The following RALGAPA1 variants were observed in gnomAD, a reference collection of about 807,000 sequenced individuals.
The protein encoded by RALGAPA1 is Ral GTPase activating protein catalytic subunit alpha 1.
RALGAPA1 carries 52 observed loss-of-function variants against 269.6 expected under a neutral mutation model. That is an observed-to-expected ratio of 0.19 (90% CI 0.15 to 0.24). The LOEUF is 0.24. RALGAPA1 is among the 10% of genes least tolerant of loss of function. The pLI, the probability that RALGAPA1 is intolerant of heterozygous loss-of-function variation, is 1.00. For synonymous variants in RALGAPA1, 817 were observed against 1,008.3 expected (o/e 0.81, Z 3.60); for missense variants, 1,917 against 3,013.9 (o/e 0.64, Z 8.52).
chr14:35,649,674 A>G (rs569036111), intron 31 of RALGAPA1, among the ~76,000 whole-genome samples: 1 of 152,344 alleles, frequency 6.6e-6, no homozygotes, highest in Admixed American at 6.5e-5. Flanking sequence ...TAACTTTAAA[A>G]GAATTTTTCC....
chr14:35,742,121 T>C (rs1457701038), intron 11 of RALGAPA1, among the ~76,000 whole-genome samples: 1 of 152,230 alleles, frequency 6.6e-6, no homozygotes. Flanking sequence ...CTAATTTTTA[T>C]CTAGACAATG....
At chr14:35,645,717 G>A (rs996681210) in intron 31 of RALGAPA1, among the ~76,000 whole-genome samples, 21 of 142,364 alleles carry the variant, frequency 1.5e-4, no homozygotes, top group African/African-American at 2.2e-4. Flanking sequence ...GCGACAGAGC[G>A]AGACTCCATC....
chr14:35,708,280 G>A (rs1243446106), intron 16 of RALGAPA1, among the ~76,000 whole-genome samples: 2 of 152,058 alleles, frequency 1.3e-5, no homozygotes, highest in Admixed American at 6.6e-5. Context: ...AAAACCTTCT[G>A]CACAGCAAAG....
In RALGAPA1 at chr14:35,729,969, G is replaced by A. The variant is rs186196427; in HGVS notation, c.1588-1459C>T. 2.5e-3 allele frequency among the ~76,000 whole-genome samples: 385 copies of A among 152,186 alleles called. 2 individuals carry two copies. Among genetic ancestry groups the A allele is most frequent in the African/African-American group, 6.5e-3 (271 of 41,512 alleles). Reference sequence around the variant, plus strand: ...AATTTTACCTCCAGAACAACTGCAAGAACAAACACCAGGAATCCCAAAAGG... The same window carrying A: ...AATTTTACCTCCAGAACAACTGCAAAAACAAACACCAGGAATCCCAAAAGG... On this transcript the variant is annotated intron_variant, in intron 12 of 41. Transcript: ENST00000680220.
chr14:35,573,525 C>T (rs1472506837), intron 37 of RALGAPA1, among the ~76,000 whole-genome samples: 1 of 152,042 alleles, frequency 6.6e-6, no homozygotes, highest in Non-Finnish European at 1.5e-5. Context: ...GAAGAGTAAA[C>T]CTGGGATAAC....
intron 6 of RALGAPA1, among the ~76,000 whole-genome samples, chr14:35,757,124 T>A (rs200473374): frequency 0.086 from 12,404 of 144,548 alleles, 790 homozygotes; most frequent in East Asian, 0.27. Context: ...TTATTATTTT[T>A]TTTTTTTTTT....
intron 17 of RALGAPA1, among the ~76,000 whole-genome samples, chr14:35,695,428 A>T (rs1036559742): frequency 6.6e-6 from 1 of 152,168 alleles, no homozygotes; most frequent in Non-Finnish European, 1.5e-5. Flanking sequence ...GGCCTGTGAG[A>T]CATACTATTT....
At chr14:35,683,515 C>G (rs1446018305) in intron 21 of RALGAPA1, 3 of 211,902 alleles carry the variant, frequency 1.4e-5, no homozygotes, top group Non-Finnish European at 2.8e-5. Context: ...ACATATACAT[C>G]TATTATGTTC....
At chr14:35,582,964 G>A (rs188309926) in intron 37 of RALGAPA1, among the ~76,000 whole-genome samples, 26 of 152,176 alleles carry the variant, frequency 1.7e-4, no homozygotes, top group Non-Finnish European at 2.5e-4. Flanking sequence ...ACAATGGAGT[G>A]CCTCCCCTTC....
chr14:35,725,986 A>T (rs2069870993), intron 13 of RALGAPA1, among the ~76,000 whole-genome samples: 1 of 152,168 alleles, frequency 6.6e-6, no homozygotes, highest in Non-Finnish European at 1.5e-5. Flanking sequence ...CCTTATTTAC[A>T]CTGATACTTC....
chr14:35,579,514 A>G lies in RALGAPA1; in HGVS notation c.7210-6796T>C, dbSNP rs183387348. Among the ~76,000 whole-genome samples, 27 of 150,978 alleles carry G rather than the reference A, an allele frequency of 1.8e-4. No individual in the cohort carries two copies. In the East Asian group the frequency reaches 5.1e-3, roughly 29 times the overall value. Reference sequence around the variant, plus strand: ...TCCCAGCTACTCGGGAGGCTGAGTCAGGAGAATCGCTTGAACCCAGGAGGT... The same window carrying G: ...TCCCAGCTACTCGGGAGGCTGAGTCGGGAGAATCGCTTGAACCCAGGAGGT... On this transcript the variant is annotated intron_variant, in intron 37 of 41. Transcript: ENST00000680220.
chr14:35,801,733 T>G (rs1020290858), intron 1 of RALGAPA1, among the ~76,000 whole-genome samples: 1 of 152,122 alleles, frequency 6.6e-6, no homozygotes, highest in African/African-American at 2.4e-5. Flanking sequence ...CAACCAGGAA[T>G]AGAATGAAAC....
At chr14:35,744,208 C>A (rs539823997) in intron 10 of RALGAPA1, among the ~76,000 whole-genome samples, 1 of 152,092 alleles carries the variant, frequency 6.6e-6, no homozygotes, top group East Asian at 1.9e-4. Flanking sequence ...TCCGTCTCTA[C>A]TAAAAATACA....
chr14:35,632,110 A>G (rs546694119), intron 33 of RALGAPA1, among the ~76,000 whole-genome samples: 2 of 152,302 alleles, frequency 1.3e-5, no homozygotes, highest in South Asian at 4.1e-4. Flanking sequence ...AATTCAGGAT[A>G]TATGTCTGTA....
chr14:35,739,415 C>A (rs1162783963), intron 11 of RALGAPA1, among the ~76,000 whole-genome samples: 1 of 152,184 alleles, frequency 6.6e-6, no homozygotes, highest in African/African-American at 2.4e-5. Context: ...ATGCCATGGT[C>A]TAGTCTAGCC....
intron 39 of RALGAPA1, among the ~76,000 whole-genome samples, chr14:35,557,777 C>T (rs1032259068): frequency 1.3e-5 from 2 of 151,922 alleles, no homozygotes; most frequent in African/African-American, 4.8e-5. Flanking sequence ...TTTGAATTTC[C>T]CCAAATCTAG....
At chr14:35,697,548 G>A (rs1358694560) in intron 17 of RALGAPA1, among the ~76,000 whole-genome samples, 2 of 151,660 alleles carry the variant, frequency 1.3e-5, no homozygotes, top group Admixed American at 6.6e-5. Context: ...GGGTTTCATC[G>A]CGTTAGCCAG....
intron 35 of RALGAPA1, among the ~76,000 whole-genome samples, chr14:35,611,592 T>C (rs2059939349): frequency 6.8e-6 from 1 of 147,930 alleles, no homozygotes; most frequent in Non-Finnish European, 1.5e-5. Flanking sequence ...TGGCTGGGCA[T>C]GGTGGCACAT....
chr14:35,650,054 C>T lies in RALGAPA1; in HGVS notation c.5676+1751G>A, dbSNP rs531893415. On this transcript the variant is annotated intron_variant, in intron 31 of 41. Coordinates refer to ENST00000680220, the MANE Select transcript of RALGAPA1 (RefSeq NM_001346249.2). ...ATTTGGAATTCTACACCATAGCCTGCGACACTAAAGCGAAGGATTCTTGGC... is the reference window on the plus strand; with the variant it reads ...ATTTGGAATTCTACACCATAGCCTGTGACACTAAAGCGAAGGATTCTTGGC... Among the ~76,000 whole-genome samples the T allele has an allele frequency of 1.9e-4, 29 of 152,154 alleles. 1 individual carries two copies. The highest frequency in any genetic ancestry group is 5.8e-4 in the African/African-American group (24 of 41,508).
Sources: gnomAD v4.1 joint callset for allele counts (sites outside exome capture counted in the v4.1 genomes callset) on GRCh38, gnomAD v4.1.1 for gene constraint, MANE v1.5 for transcripts, NCBI Gene and HGNC (gene_info 2026-07-23, HGNC 2026-07-21) for gene names.